Variants in PCLO observed in about 807,000 individuals in gnomAD.
PCLO encodes the protein piccolo presynaptic cytomatrix protein.
A neutral mutation model predicts 427.5 loss-of-function variants in PCLO; 82 were observed. The ratio of observed to expected loss-of-function variants is 0.19; its 90% CI spans 0.16 to 0.23. The LOEUF (loss-of-function observed/expected upper bound fraction) is 0.23. Among genes scored for constraint, PCLO ranks in the 10% least tolerant of loss-of-function variants. The pLI is 1.00. For missense variants in PCLO, 6,239 were observed against 6,115.9 expected (o/e 1.02, Z -0.67); for synonymous variants, 2,357 against 2,155.4 (o/e 1.09, Z -2.59).
At chr7:83,066,311 C>T (rs1302323255) in intron 3 of PCLO, among the ~76,000 whole-genome samples, 1 of 152,004 alleles carries the variant, frequency 6.6e-6, no homozygotes, top group Non-Finnish European at 1.5e-5. Flanking sequence ...GTTAAATTCT[C>T]ACTGTCTCAG....
At chr7:82,780,678 G>A (rs113602137) in intron 22 of PCLO, among the ~76,000 whole-genome samples, 1 of 152,294 alleles carries the variant, frequency 6.6e-6, no homozygotes, top group East Asian at 1.9e-4. Context: ...CTCGCGAGTG[G>A]CTTATTTGTT....
chr7:82,941,059 A>G (rs188993257), intron 6 of PCLO, among the ~76,000 whole-genome samples: 33 of 150,966 alleles, frequency 2.2e-4, no homozygotes, highest in Non-Finnish European at 4.6e-4. Context: ...ACCGTGCCCG[A>G]ATGATTTCTT....
At chr7:82,971,660 C>A (rs910925860) in intron 3 of PCLO, among the ~76,000 whole-genome samples, 1 of 146,968 alleles carries the variant, frequency 6.8e-6, no homozygotes, top group South Asian at 2.1e-4. Flanking sequence ...GTGCTGTTTG[C>A]AACATTTCTC....
chr7:82,873,179 GTTTTTTTTTT>G (rs59328364), intron 10 of PCLO, among the ~76,000 whole-genome samples: 1 of 110,126 alleles, frequency 9.1e-6, no homozygotes, highest in Non-Finnish European at 1.8e-5. Context: ...TATTCTGTAA[GTTTTTTTTTT>G]TTTTTTTTTT....
chr7:83,058,152 A>C (rs1185325260), intron 3 of PCLO, among the ~76,000 whole-genome samples: 2 of 152,216 alleles, frequency 1.3e-5, no homozygotes, highest in East Asian at 3.8e-4. Flanking sequence ...AGAAGTTGTA[A>C]AAATACATAT....
At chr7:83,012,846 C>A (rs1388180343) in intron 3 of PCLO, among the ~76,000 whole-genome samples, 1 of 151,852 alleles carries the variant, frequency 6.6e-6, no homozygotes, top group African/African-American at 2.4e-5. Context: ...TAAAACAGAC[C>A]AGGTGTTTTA....
chr7:82,850,162 C>T (rs1197574092), intron 10 of PCLO, among the ~76,000 whole-genome samples: 1 of 152,050 alleles, frequency 6.6e-6, no homozygotes, highest in South Asian at 2.1e-4. Context: ...GCACCCACCA[C>T]CACACCCAGC....
intron 19 of PCLO, 67 bp from the exon 20 acceptor site, chr7:82,822,756 C>T: frequency 7.1e-7 from 1 of 1,408,076 alleles, no homozygotes; most frequent in South Asian, 1.2e-5. Flanking sequence ...GCTTGGTTTA[C>T]ACATAATTTG....
intron 3 of PCLO, among the ~76,000 whole-genome samples, chr7:83,044,720 A>C (rs573482829): frequency 6.6e-6 from 1 of 152,312 alleles, no homozygotes; most frequent in African/African-American, 2.4e-5. Flanking sequence ...TAAATTGCAT[A>C]CTTTGGAACA....
intron 6 of PCLO, among the ~76,000 whole-genome samples, chr7:82,947,251 T>G (rs1266357332): frequency 6.6e-6 from 1 of 152,130 alleles, no homozygotes; most frequent in Non-Finnish European, 1.5e-5. Flanking sequence ...GTATAAAACT[T>G]ATCTTTTACA....
Position 83,029,862 on chromosome 7 carries a change from C to CA in PCLO, c.3301-63376dup, listed in dbSNP as rs1788614376. Among the ~76,000 whole-genome samples the CA allele has an allele frequency of 3.4e-5, 5 of 146,278 alleles. No individual in the cohort carries two copies. The South Asian group carries it at 1.1e-3, about 32-fold the overall frequency. ...CATTCTCAGTAAACTATCGCAAGAA[C>CA]AAAAAACCAAACACCGCATATTCTC... On this transcript the variant is annotated intron_variant, in intron 3 of 24. Coordinates refer to ENST00000333891, the MANE Select transcript of PCLO (RefSeq NM_033026.6).
At chr7:83,028,134 G>C (rs182727031) in intron 3 of PCLO, among the ~76,000 whole-genome samples, 3,579 of 151,988 alleles carry the variant, frequency 0.024, 97 homozygotes, top group African/African-American at 0.082. Flanking sequence ...AGGAAATAAA[G>C]GGTATTCAAT....
At chr7:83,023,582 C>T (rs1788400001) in intron 3 of PCLO, among the ~76,000 whole-genome samples, 1 of 152,120 alleles carries the variant, frequency 6.6e-6, no homozygotes, top group African/African-American at 2.4e-5. Context: ...GTACATGTCC[C>T]TAAATGCTTT....
At chr7:82,783,623 AAACC>A (rs1034582698) in intron 22 of PCLO, among the ~76,000 whole-genome samples, 1 of 152,206 alleles carries the variant, frequency 6.6e-6, no homozygotes, top group Non-Finnish European at 1.5e-5. Context: ...CTCGGTCTCA[AAACC>A]AACCAACCAA....
intron 2 of PCLO, among the ~76,000 whole-genome samples, chr7:83,145,592 C>T (rs1791974370): frequency 6.6e-6 from 1 of 152,116 alleles, no homozygotes; most frequent in Admixed American, 6.5e-5. Flanking sequence ...CATTTAAATT[C>T]TTAACCCCAG....
chr7:82,854,286 T>A (rs1156631227), intron 10 of PCLO, among the ~76,000 whole-genome samples: 1 of 152,142 alleles, frequency 6.6e-6, no homozygotes, highest in African/African-American at 2.4e-5. Context: ...ACATCCAATC[T>A]GCAGTCTGAA....
At chr7:82,988,898 G>A (rs549479231) in intron 3 of PCLO, among the ~76,000 whole-genome samples, 3 of 151,620 alleles carry the variant, frequency 2.0e-5, no homozygotes, top group South Asian at 4.2e-4. Context: ...GCAGTGGCGC[G>A]ATCTCGGCTC....
At chr7:83,121,049 C>T (rs934384621) in intron 3 of PCLO, among the ~76,000 whole-genome samples, 5 of 151,868 alleles carry the variant, frequency 3.3e-5, no homozygotes, top group Admixed American at 6.6e-5. Flanking sequence ...TTTGGGAGGC[C>T]GAGGTGGGCA....
At chr7:82,901,753 A>C (rs1421499894) in intron 9 of PCLO, among the ~76,000 whole-genome samples, 1 of 152,152 alleles carries the variant, frequency 6.6e-6, no homozygotes, top group Non-Finnish European at 1.5e-5. Flanking sequence ...ACCCCATCAA[A>C]AAGTGGGCAA....
Sources: allele counts gnomAD v4.1 joint callset (sites outside exome capture counted in the v4.1 genomes callset), GRCh38; gene constraint gnomAD v4.1.1; transcripts MANE v1.5; gene names NCBI Gene and HGNC (gene_info 2026-07-23, HGNC 2026-07-21).